TRPS1: variants seen among roughly 807,000 people sequenced by gnomAD.
TRPS1 encodes the protein transcriptional repressor GATA binding 1, also known as zinc finger transcription factor Trps1.
A neutral mutation model predicts 101.2 loss-of-function variants in TRPS1; 6 were observed. That is an observed-to-expected ratio of 0.06 (90% confidence interval 0.03 to 0.12). The LOEUF (loss-of-function observed/expected upper bound fraction) is 0.12. TRPS1 is among the 10% of genes least tolerant of loss of function. TRPS1 has a pLI of 1.00. For synonymous variants in TRPS1, 578 were observed against 589.8 expected, an observed-to-expected ratio of 0.98 and a Z score of 0.29; for missense variants, 1,363 against 1,567.0, an observed-to-expected ratio of 0.87 and a Z score of 2.20.
At chr8:115,616,855 A>G (rs1467942421) in intron 3 of TRPS1, among the ~76,000 whole-genome samples, 1 of 152,224 alleles carries the variant, frequency 6.6e-6, no homozygotes, top group Non-Finnish European at 1.5e-5. Flanking sequence ...CAAGGAAAGA[A>G]TCTCTCAAAT....
chr8:115,603,774 G>A, intron 4 of TRPS1, 99 bp downstream of exon 4: 1 of 1,406,554 alleles, frequency 7.1e-7, no homozygotes, highest in Non-Finnish European at 9.8e-7. Flanking sequence ...CCAAGTCATT[G>A]GAATCACTCT....
intron 5 of TRPS1, among the ~76,000 whole-genome samples, chr8:115,455,660 T>C (rs1013068512): frequency 5.3e-5 from 8 of 152,240 alleles, no homozygotes; most frequent in African/African-American, 1.9e-4. Context: ...ATAATATACC[T>C]AGTAAGAGGC....
chr8:115,615,487 T>C (rs1818256617), intron 3 of TRPS1, among the ~76,000 whole-genome samples: 1 of 152,124 alleles, frequency 6.6e-6, no homozygotes, highest in African/African-American at 2.4e-5. Context: ...AGAAAGAAGC[T>C]AGCAGGGCGC....
At chr8:115,629,545 G>T (rs889280192) in intron 1 of TRPS1, among the ~76,000 whole-genome samples, 17 of 151,846 alleles carry the variant, frequency 1.1e-4, no homozygotes, top group African/African-American at 4.1e-4. Context: ...TTCAACTATT[G>T]TTGCTAATGC....
intron 5 of TRPS1, among the ~76,000 whole-genome samples, chr8:115,553,550 T>C (rs1451544681): frequency 1.3e-5 from 2 of 152,178 alleles, no homozygotes; most frequent in African/African-American, 4.8e-5. Flanking sequence ...TGATAATATA[T>C]GTTATTGTAC....
At chr8:115,623,534 C>G in intron 2 of TRPS1, 67 bp downstream of exon 2, 1 of 1,560,316 alleles carries the variant, frequency 6.4e-7, no homozygotes. Flanking sequence ...ACAGATTGCA[C>G]GATGTTTTAC....
Position 115,453,209 on chromosome 8 carries a change from C to T in TRPS1, c.2701-34757G>A, listed in dbSNP as rs1441958478. Among the ~76,000 whole-genome samples the T allele has an allele frequency of 4.6e-5, 7 of 152,128 alleles. No homozygotes were observed. In the East Asian group the frequency reaches 5.8e-4, roughly 13 times the overall value. On this transcript the variant is annotated intron_variant, in intron 5 of 6. Coordinates refer to ENST00000395715, the MANE Select transcript of TRPS1 (RefSeq NM_014112.5). ...CTACCTTTTGTATTTTTAGTAGAGACGGGGTTTCACCATCTTGGCCGGGCT... is the reference window on the plus strand; with the variant it reads ...CTACCTTTTGTATTTTTAGTAGAGATGGGGTTTCACCATCTTGGCCGGGCT...
At chr8:115,513,106 T>C (rs921630654) in intron 5 of TRPS1, among the ~76,000 whole-genome samples, 2 of 151,772 alleles carry the variant, frequency 1.3e-5, no homozygotes, top group African/African-American at 2.4e-5. Context: ...TCCATCCTTT[T>C]GGAAATATCT....
intron 1 of TRPS1, among the ~76,000 whole-genome samples, chr8:115,659,992 G>T (rs921903947): frequency 6.6e-6 from 1 of 151,854 alleles, no homozygotes; most frequent in Non-Finnish European, 1.5e-5. Flanking sequence ...GTACATGTAC[G>T]CACTTATTTA....
intron 5 of TRPS1, among the ~76,000 whole-genome samples, chr8:115,447,898 T>C (rs1281161924): frequency 2.0e-5 from 3 of 152,070 alleles, no homozygotes; most frequent in African/African-American, 4.8e-5. Context: ...CCTTTGAAAA[T>C]AGAAATGAAA....
At chr8:115,664,617 G>T (rs1811880692) in intron 1 of TRPS1, among the ~76,000 whole-genome samples, 1 of 152,088 alleles carries the variant, frequency 6.6e-6, no homozygotes, top group Non-Finnish European at 1.5e-5. Context: ...GGTATTAGCA[G>T]TTATCATCAG....
chr8:115,580,695 T>G (rs184136646), intron 5 of TRPS1, among the ~76,000 whole-genome samples: 85 of 152,320 alleles, frequency 5.6e-4, no homozygotes, highest in Middle Eastern at 6.8e-3. Flanking sequence ...CTGCTTCACC[T>G]GCTTTAGAAA....
At chr8:115,530,352 A>G (rs1586368984) in intron 5 of TRPS1, among the ~76,000 whole-genome samples, 2 of 152,288 alleles carry the variant, frequency 1.3e-5, no homozygotes, top group South Asian at 4.1e-4. Flanking sequence ...GACAAAGTCC[A>G]GAAATGGTAA....
intron 5 of TRPS1, among the ~76,000 whole-genome samples, chr8:115,564,643 C>T (rs1010723425): frequency 5.3e-5 from 8 of 151,982 alleles, no homozygotes; most frequent in Non-Finnish European, 7.4e-5. Context: ...CCGTATGGGC[C>T]GCCAATTATT....
intron 5 of TRPS1, among the ~76,000 whole-genome samples, chr8:115,480,606 T>C (rs1814727937): frequency 6.6e-6 from 1 of 152,042 alleles, no homozygotes; most frequent in Non-Finnish European, 1.5e-5. Context: ...CTATATCAAA[T>C]CTCTTAATGT....
intron 5 of TRPS1, among the ~76,000 whole-genome samples, chr8:115,434,128 T>C (rs1347691767): frequency 6.6e-6 from 1 of 152,118 alleles, no homozygotes; most frequent in Non-Finnish European, 1.5e-5. Context: ...TTGGTGTGTA[T>C]GTATATACAT....
intron 5 of TRPS1, among the ~76,000 whole-genome samples, chr8:115,490,840 G>A (rs1044709935): frequency 2.0e-5 from 3 of 152,106 alleles, no homozygotes; most frequent in Admixed American, 6.6e-5. Context: ...ATTTGAAAGC[G>A]ATCACTCCTT....
chr8:115,632,410 A>C (rs1818666610), intron 1 of TRPS1, among the ~76,000 whole-genome samples: 2 of 152,116 alleles, frequency 1.3e-5, no homozygotes, highest in South Asian at 4.1e-4. Flanking sequence ...CATCTGGATT[A>C]GACGCCAAGA....
chr8:115,461,939 C>T (rs1164357666), intron 5 of TRPS1, among the ~76,000 whole-genome samples: 19 of 152,008 alleles, frequency 1.2e-4, no homozygotes, highest in Non-Finnish European at 2.9e-5. Flanking sequence ...GAACAAACAA[C>T]ACAAGTACAA....
Sources: allele counts gnomAD v4.1 joint callset (sites outside exome capture counted in the v4.1 genomes callset), GRCh38; gene constraint gnomAD v4.1.1; transcripts MANE v1.5; gene names NCBI Gene and HGNC (gene_info 2026-07-23, HGNC 2026-07-21).